The following FBN3 variants were observed in gnomAD, a reference collection of about 807,000 sequenced individuals.
FBN3 encodes fibrillin 3.
FBN3 carries 234 observed loss-of-function variants against 330.1 expected under a neutral mutation model. That is an observed-to-expected ratio of 0.71 (90% CI 0.64 to 0.79). The LOEUF is 0.79. Among genes scored for constraint, FBN3 ranks in the 30% least tolerant of loss-of-function variants. FBN3 has a pLI of 0.00. For synonymous variants in FBN3, 1,458 were observed against 1,517.3 expected (o/e 0.96, Z 0.91); for missense variants, 3,606 against 3,886.9 (o/e 0.93, Z 1.92).
At chr19:8,138,726 A>G (rs1175439678) in intron 8 of FBN3, among the ~76,000 whole-genome samples, 162 bp from the exon 9 acceptor site, 1 of 152,084 alleles carries the variant, frequency 6.6e-6, no homozygotes, top group Non-Finnish European at 1.5e-5. Flanking sequence ...CATCCACCTC[A>G]CCCGGGAAAA....
rs1005366073 is a variant in FBN3, at chr19:8,136,143, C to T, written c.1465+47G>A. On this transcript the variant is annotated intron_variant, in intron 12 of 63. Transcript: ENST00000600128. ...TGCTCCCCACCCTCCAAGCCTGGGCCAGAACCCCCAACAACATCACCCCTA... is the reference window on the plus strand; with the variant it reads ...TGCTCCCCACCCTCCAAGCCTGGGCTAGAACCCCCAACAACATCACCCCTA... The T allele has an allele frequency of 1.9e-6, 3 of 1,612,514 alleles. No homozygotes were observed. The African/African-American group carries it at 4.0e-5, about 22-fold the overall frequency.
At chr19:8,146,399 G>A (rs1365311448) in intron 3 of FBN3, among the ~76,000 whole-genome samples, 174 bp from the exon 4 acceptor site, 1 of 152,150 alleles carries the variant, frequency 6.6e-6, no homozygotes, top group South Asian at 2.1e-4. Context: ...CCCCACTCTC[G>A]GGCTGGGCTG....
chr19:8,094,355 C>T, intron 47 of FBN3, 91 bp downstream of exon 47: 2 of 1,389,608 alleles, frequency 1.4e-6, no homozygotes, highest in Non-Finnish European at 9.8e-7. Context: ...TCTCCACCTT[C>T]ATCACAACCC....
In FBN3 at chr19:8,082,295, TTCTC is replaced by T. The variant is rs1314497849; in HGVS notation, c.7214-819_7214-816del. 3.1e-3 allele frequency among the ~76,000 whole-genome samples: 444 copies of T among 142,992 alleles called. 1 individual carries two copies. The highest frequency in any genetic ancestry group is 0.011 in the African/African-American group (429 of 38,546). 93.8% of individuals were successfully genotyped at this position (142,992 alleles called of 152,430 possible). On this transcript the variant is annotated intron_variant, in intron 57 of 63. Coordinates refer to ENST00000600128, the MANE Select transcript of FBN3 (RefSeq NM_032447.5). ...CTTCCTTCCCTTCCTTCCTCTCCCT[TTCTC>T]TCTTTCTCCCTTTCTCTTTCTTTCT...
intron 36 of FBN3, among the ~76,000 whole-genome samples, chr19:8,108,672 T>C (rs1405798962): frequency 1.3e-5 from 2 of 152,034 alleles, no homozygotes; most frequent in African/African-American, 2.4e-5. Context: ...CCTGAGGCCT[T>C]TGCACATACT....
chr19:8,082,414 CTCTT>C (rs2081819601), intron 57 of FBN3, among the ~76,000 whole-genome samples: 7 of 149,872 alleles, frequency 4.7e-5, no homozygotes, highest in Non-Finnish European at 4.4e-5. Flanking sequence ...TCTCCCCTTT[CTCTT>C]TGTTTCTTTC....
Position 8,072,079 on chromosome 19 carries a change from C to T in FBN3, c.8057G>A (p.Arg2686Gln), listed in dbSNP as rs756996100. 3.5e-5 allele frequency: 56 copies of T among 1,612,482 alleles called. No homozygotes were observed. Among genetic ancestry groups the T allele is most frequent in the Non-Finnish European group, 4.2e-5 (50 of 1,179,756 alleles). Residue 2686 changes from arginine to glutamine, a missense_variant, in exon 63 of 64, where the codon CGG becomes CAG. Arg to Gln is a conservative substitution (Grantham distance 43). Transcript: ENST00000600128. ...CKINGLSPRD[R>Q]PRRSAHRDHQ... ...GTCCCTGTGGGCACTGCGTCGTGGC[C>T]GGTCCCGAGGGGAGAGGCCATTGAT...
rs12975322 is a variant in FBN3, at chr19:8,111,756, C to G, written c.3976G>C (p.Val1326Leu). Residue 1326 changes from valine to leucine, a missense_variant, in exon 32 of 64, where the codon GTC (valine) becomes CTC (leucine). Coordinates refer to ENST00000600128, the MANE Select transcript of FBN3 (RefSeq NM_032447.5). ...GGGCTGCACCGGTGCTCCTGGGAGACGCATTCATCCAGGTCTGCAGGAGAT... is the reference window on the plus strand; with the variant it reads ...GGGCTGCACCGGTGCTCCTGGGAGAGGCATTCATCCAGGTCTGCAGGAGAT... Reference protein sequence around the residue: ...GFECHDLDECVSQEHRCSPRG... With the variant: ...GFECHDLDECLSQEHRCSPRG... 9.3e-6 allele frequency: 15 copies of G among 1,613,000 alleles called. No homozygotes were observed. The highest frequency in any genetic ancestry group is 1.1e-5 in the Non-Finnish European group (13 of 1,179,506).
Position 8,147,806 on chromosome 19 carries a change from C to T in FBN3, c.-17-309G>A, listed in dbSNP as rs145643764. The T allele has an allele frequency of 1.6e-3, 426 of 270,578 alleles. 2 individuals are homozygous for T. Among genetic ancestry groups the T allele is most frequent in the African/African-American group, 8.5e-3 (385 of 45,490 alleles). The allele number at this position is 270,578 out of a possible 1,614,324, so 16.8% of individuals were successfully genotyped here. On this transcript the variant is annotated intron_variant, in intron 1 of 63. Coordinates refer to ENST00000600128, the MANE Select transcript of FBN3 (RefSeq NM_032447.5). ...TGGGGCCAGGCGTTGCAGGAGTGGG[C>T]ATAGCAGTGTCATGCAGCTTTTGCT...
chr19:8,080,902 G>A (rs1402250796), intron 59 of FBN3, 101 bp downstream of exon 59: 13 of 806,428 alleles, frequency 1.6e-5, no homozygotes, highest in African/African-American at 3.4e-5. Context: ...GATTACAGGC[G>A]TGAGCCATTG....
At position 8,141,742 on chromosome 19, in the gene FBN3, G is replaced by C; in HGVS notation, c.840C>G (p.Leu280=). The change falls in exon 8 of 64, where the codon CTC becomes CTG. Residue 280 remains leucine (L), a synonymous_variant. Coordinates refer to ENST00000600128, the MANE Select transcript of FBN3 (RefSeq NM_032447.5). Reference sequence around the variant, plus strand: ...CTTCACATGCGGCGCTGCTGTCACTGAGCCGGTGTCCAACTGGACAGCGGC... The same window carrying C: ...CTTCACATGCGGCGCTGCTGTCACTCAGCCGGTGTCCAACTGGACAGCGGC... ...FHCRCPVGHR[L]SDSSAACEDY... The C allele has an allele frequency of 6.2e-7, 1 of 1,614,072 alleles. No homozygotes were observed. Among genetic ancestry groups the C allele is most frequent in the East Asian group, 2.2e-5 (1 of 44,888 alleles).
intron 34 of FBN3, among the ~76,000 whole-genome samples, chr19:8,110,201 G>A (rs1374629538): frequency 1.3e-5 from 2 of 152,096 alleles, no homozygotes; most frequent in African/African-American, 4.8e-5. Context: ...GACTACAGGT[G>A]TGCACCACAA....
chr19:8,086,951 TC>T, intron 54 of FBN3, 125 bp downstream of exon 54: 1 of 1,197,808 alleles, frequency 8.3e-7, no homozygotes, highest in Non-Finnish European at 1.1e-6. Context: ...AGCGATCCTC[TC>T]GCCTCAGCCT....
At chr19:8,115,771 C>G in intron 29 of FBN3, 131 bp from the exon 30 acceptor site, 1 of 1,058,008 alleles carries the variant, frequency 9.5e-7, no homozygotes, top group Non-Finnish European at 1.4e-6. Context: ...TGCTAGGACT[C>G]TCTTTCTTTT....
intron 46 of FBN3, 25 bp from the exon 47 acceptor site, chr19:8,094,590 C>T: frequency 1.2e-6 from 2 of 1,605,166 alleles, no homozygotes; most frequent in South Asian, 1.1e-5. Context: ...AAGAAAGGTC[C>T]TTGTGCCAGC....
chr19:8,147,829 G>C (rs1378534220), intron 1 of FBN3: 1 of 210,542 alleles, frequency 4.7e-6, no homozygotes, highest in East Asian at 9.9e-5. Context: ...TGCAGCTTTT[G>C]CTCATTCGTC....
chr19:8,136,122 C>T (rs766493116), intron 12 of FBN3, 36 bp from the exon 13 acceptor site: 5 of 1,611,766 alleles, frequency 3.1e-6, no homozygotes, highest in Non-Finnish European at 4.2e-6. Flanking sequence ...AAGAGGTGCT[C>T]CCCACCCTCC....
At chr19:8,135,340 T>C (rs2144996564) in intron 13 of FBN3, among the ~76,000 whole-genome samples, 1 of 151,550 alleles carries the variant, frequency 6.6e-6, no homozygotes, top group Admixed American at 6.6e-5. Context: ...AGCAGTGGTG[T>C]GATCTTGGCT....
rs769724149 is a variant in FBN3, at chr19:8,091,495, C to A, written c.6001G>T (p.Val2001Phe). ...SFQCLCPPGF[V>F]LSDNGHRCFD... Reference sequence around the variant, plus strand: ...CAACGGTGCCCATTGTCAGAGAGGACAAAGCCAGGTGGGCAGAGGCACTGG... The same window carrying A: ...CAACGGTGCCCATTGTCAGAGAGGAAAAAGCCAGGTGGGCAGAGGCACTGG... Residue 2001 changes from valine (V) to phenylalanine (F), a missense_variant, in exon 48 of 64, where the codon GTC becomes TTC. By Grantham distance (50) the Val-to-Phe change is conservative. Coordinates refer to ENST00000600128, the MANE Select transcript of FBN3 (RefSeq NM_032447.5). 1 of 1,614,060 alleles carries A rather than the reference C, an allele frequency of 6.2e-7. No individual in the cohort carries two copies. The highest frequency in any genetic ancestry group is 1.7e-5 in the Admixed American group (1 of 60,004).
Sources: gnomAD v4.1 joint callset for allele counts (sites outside exome capture counted in the v4.1 genomes callset) on GRCh38, gnomAD v4.1.1 for gene constraint, MANE v1.5 for transcripts, NCBI Gene and HGNC (gene_info 2026-07-23, HGNC 2026-07-21) for gene names.